JPH2: variants seen among roughly 807,000 people sequenced by gnomAD.
The protein encoded by JPH2 is junctophilin 2.
A neutral mutation model predicts 55.9 loss-of-function variants in JPH2; 38 were observed. That is an observed-to-expected ratio of 0.68 (90% CI 0.52 to 0.89). JPH2 has a LOEUF of 0.89. Among genes scored for constraint, JPH2 ranks in the 40% least tolerant of loss-of-function variants. The pLI, the probability that JPH2 is intolerant of heterozygous loss-of-function variation, is 0.00. For synonymous variants in JPH2, 480 were observed against 472.4 expected, an observed-to-expected ratio of 1.02 and a Z score of -0.21; for missense variants, 964 against 1,037.6, an observed-to-expected ratio of 0.93 and a Z score of 0.97.
At chr20:44,179,645 T>G (rs2072764375) in intron 1 of JPH2, among the ~76,000 whole-genome samples, 1 of 152,258 alleles carries the variant, frequency 6.6e-6, no homozygotes, top group Non-Finnish European at 1.5e-5. Context: ...CTTAAAATTC[T>G]TAATGATTTT....
intron 2 of JPH2, among the ~76,000 whole-genome samples, chr20:44,144,654 C>T (rs2072481061): frequency 6.6e-6 from 1 of 152,174 alleles, no homozygotes; most frequent in Non-Finnish European, 1.5e-5. Context: ...TTTCCCTCCC[C>T]ACCGTGGTGA....
intron 2 of JPH2, among the ~76,000 whole-genome samples, chr20:44,144,315 G>A (rs774217931): frequency 1.1e-4 from 16 of 152,074 alleles, no homozygotes; most frequent in Admixed American, 2.6e-4. Flanking sequence ...TCGGGCTCCG[G>A]GTAAGAACGA....
At chr20:44,161,626 G>A (rs903213168) in intron 1 of JPH2, among the ~76,000 whole-genome samples, 25 of 151,882 alleles carry the variant, frequency 1.6e-4, no homozygotes, top group Admixed American at 9.2e-4. Context: ...TAATGTCTCC[G>A]AAAAACTCTG....
At chr20:44,177,923 G>A (rs2145895792) in intron 1 of JPH2, 1 of 1,450,810 alleles carries the variant, frequency 6.9e-7, no homozygotes, top group Non-Finnish European at 9.7e-7. Flanking sequence ...GTGCTTCATT[G>A]TCTTGTTTCA....
chr20:44,137,632 C>T (rs1052028340), intron 2 of JPH2, among the ~76,000 whole-genome samples: 2 of 152,246 alleles, frequency 1.3e-5, no homozygotes, highest in African/African-American at 4.8e-5. Context: ...CCCAGCCTTC[C>T]TCTGGACAAC....
At chr20:44,146,712 T>C (rs1299037606) in intron 2 of JPH2, among the ~76,000 whole-genome samples, 1 of 151,978 alleles carries the variant, frequency 6.6e-6, no homozygotes, top group African/African-American at 2.4e-5. Flanking sequence ...ATATGGGCAG[T>C]TGTTTGGAGG....
intron 2 of JPH2, among the ~76,000 whole-genome samples, chr20:44,157,782 C>G (rs1190675305): frequency 6.6e-6 from 1 of 152,172 alleles, no homozygotes; most frequent in Non-Finnish European, 1.5e-5. Flanking sequence ...AGGATTTGGC[C>G]CTAGGCCTGC....
Position 44,168,581 on chromosome 20 carries a change from A to G in JPH2, c.380-8174T>C, listed in dbSNP as rs550602678. The stretch of plus-strand genomic sequence containing the variant: ...ATACAGGTAACATCATTTTGATTTT[A>G]CAGTTGGAAAAGCCGAAACTAAGAA... On this transcript the variant is annotated intron_variant, in intron 1 of 5. Transcript: ENST00000372980. Among the ~76,000 whole-genome samples, 88 of 152,346 alleles carry G rather than the reference A, an allele frequency of 5.8e-4. 1 individual carries two copies. Among genetic ancestry groups the G allele is most frequent in the African/African-American group, 2.1e-3 (88 of 41,588 alleles).
Position 44,176,630 on chromosome 20 carries a change from C to T in JPH2, c.379+9697G>A, listed in dbSNP as rs927315707. 7.2e-5 allele frequency among the ~76,000 whole-genome samples: 11 copies of T among 151,792 alleles called. No individual in the cohort carries two copies. The East Asian group carries it at 7.8e-4, about 11-fold the overall frequency. On this transcript the variant is annotated intron_variant, in intron 1 of 5. Transcript: ENST00000372980. The stretch of plus-strand genomic sequence containing the variant: ...CAGCCAGGGCAACATGGAGAAACCC[C>T]GTCTCTACAAAAAAATTAGCCAGGC...
intron 1 of JPH2, among the ~76,000 whole-genome samples, chr20:44,162,864 C>T (rs180937016): frequency 7.2e-4 from 106 of 146,600 alleles, no homozygotes; most frequent in African/African-American, 2.6e-3. Flanking sequence ...CTGATGAATA[C>T]ACCACCCTGT....
At chr20:44,150,606 C>G (rs1289980974) in intron 2 of JPH2, among the ~76,000 whole-genome samples, 1 of 152,212 alleles carries the variant, frequency 6.6e-6, no homozygotes, top group Admixed American at 6.5e-5. Flanking sequence ...AATTAGAGGA[C>G]TCACATTTCC....
intron 4 of JPH2, 66 bp from the exon 5 acceptor site, chr20:44,114,942 C>T: frequency 3.9e-6 from 5 of 1,288,958 alleles, no homozygotes; most frequent in Non-Finnish European, 5.5e-6. Flanking sequence ...ACCCAGGTCA[C>T]AGCAAGGCTG....
rs2072388587 is a variant in JPH2, at chr20:44,134,699, ACATTAATAT to A, written c.1170-16085_1170-16077del. Among the ~76,000 whole-genome samples, 8 of 52,144 alleles carry A rather than the reference ACATTAATAT, an allele frequency of 1.5e-4. 1 individual carries two copies. The highest frequency in any genetic ancestry group is 1.2e-3 in the Admixed American group (3 of 2,584). The allele number at this position is 52,144 out of a possible 152,430, so 34.2% of individuals were successfully genotyped here. On this transcript the variant is annotated intron_variant, in intron 2 of 5. Transcript: ENST00000372980. ...ATTTATAAATATTATAAATATATATACATTAATATATATTATAAATATATATTTATTATA... is the reference window on the plus strand; with the variant it reads ...ATTTATAAATATTATAAATATATATAATATTATAAATATATATTTATTATA...
chr20:44,110,456 GCT>G lies in JPH2; in HGVS notation c.*3060_*3061del, dbSNP rs2072134312. ...TTTTTTTTTTTCCAGATGGAGTCTT[GCT>G]CTGTCACCCAGGCTGGAGTGCAGTG... On this transcript the variant is annotated 3_prime_UTR_variant, in exon 6 of 6. Coordinates refer to ENST00000372980, the MANE Select transcript of JPH2 (RefSeq NM_020433.5). Among the ~76,000 whole-genome samples the G allele has an allele frequency of 6.7e-6, 1 of 149,448 alleles. No individual in the cohort carries two copies. Among genetic ancestry groups the G allele is most frequent in the African/African-American group, 2.5e-5 (1 of 40,382 alleles).
chr20:44,144,851 G>A (rs1226426897), intron 2 of JPH2, among the ~76,000 whole-genome samples: 1 of 152,254 alleles, frequency 6.6e-6, no homozygotes, highest in African/African-American at 2.4e-5. Flanking sequence ...TGAGAAGGGG[G>A]CACTCAGAGA....
chr20:44,134,865 AAT>A lies in JPH2; in HGVS notation c.1170-16244_1170-16243del, dbSNP rs3973739. Among the ~76,000 whole-genome samples, 199 of 61,242 alleles carry A rather than the reference AAT, an allele frequency of 3.2e-3. 4 individuals are homozygous for A. The Middle Eastern group carries it at 0.081, about 25-fold the overall frequency. The allele number at this position is 61,242 out of a possible 152,430, so 40.2% of individuals were successfully genotyped here. ...TATGTTTATTATAAATATATATATAAATATATATATTTATATATATATTAATA... is the reference window on the plus strand; with the variant it reads ...TATGTTTATTATAAATATATATATAAATATATATTTATATATATATTAATA... On this transcript the variant is annotated intron_variant, in intron 2 of 5. Transcript: ENST00000372980.
At chr20:44,163,090 T>C (rs1258516494) in intron 1 of JPH2, among the ~76,000 whole-genome samples, 1 of 152,098 alleles carries the variant, frequency 6.6e-6, no homozygotes, top group Non-Finnish European at 1.5e-5. Context: ...ACTTATTTAT[T>C]ACATTAATTG....
chr20:44,179,240 A>G (rs1200544082), intron 1 of JPH2, among the ~76,000 whole-genome samples: 1 of 152,206 alleles, frequency 6.6e-6, no homozygotes, highest in African/African-American at 2.4e-5. Flanking sequence ...CAAGCATTGC[A>G]CCTAGGAAGG....
intron 2 of JPH2, among the ~76,000 whole-genome samples, chr20:44,131,425 T>C (rs1021770813): frequency 6.6e-6 from 1 of 152,326 alleles, no homozygotes; most frequent in Non-Finnish European, 1.5e-5. Flanking sequence ...TATACCCTGA[T>C]ACCCGACCTG....
Sources: gnomAD v4.1 joint callset for allele counts (sites outside exome capture counted in the v4.1 genomes callset) on GRCh38, gnomAD v4.1.1 for gene constraint, MANE v1.5 for transcripts, NCBI Gene and HGNC (gene_info 2026-07-23, HGNC 2026-07-21) for gene names.